Variants in MYO18B observed in about 807,000 individuals in gnomAD.
The protein encoded by MYO18B is unconventional myosin-XVIIIb.
A neutral mutation model predicts 273.0 loss-of-function variants in MYO18B; 204 were observed. The observed-to-expected ratio is 0.75, with a 90% CI of 0.67 to 0.84. MYO18B has a LOEUF of 0.84. MYO18B is among the 40% of genes least tolerant of loss of function. MYO18B has a pLI of 0.00. For synonymous variants in MYO18B, 1,330 were observed against 1,305.7 expected, an observed-to-expected ratio of 1.02 and a Z score of -0.40; for missense variants, 3,212 against 3,287.6, an observed-to-expected ratio of 0.98 and a Z score of 0.56.
intron 12 of MYO18B, among the ~76,000 whole-genome samples, chr22:25,812,013 TA>T (rs1569054534): frequency 6.6e-6 from 1 of 152,150 alleles, no homozygotes; most frequent in Non-Finnish European, 1.5e-5. Flanking sequence ...TTTCCATCTG[TA>T]GGTGGGGAAG....
chr22:26,013,313 T>A (rs1467017971), intron 42 of MYO18B, among the ~76,000 whole-genome samples: 1 of 152,208 alleles, frequency 6.6e-6, no homozygotes, highest in African/African-American at 2.4e-5. Context: ...CTGCCAAATG[T>A]CTTACAATGC....
chr22:25,864,064 G>GT (rs2090817419), intron 21 of MYO18B, among the ~76,000 whole-genome samples: 1 of 152,172 alleles, frequency 6.6e-6, no homozygotes, highest in Admixed American at 6.5e-5. Context: ...CCAGGTGTGG[G>GT]TTTTTTCCAT....
chr22:25,842,302 A>G (rs1012508237), intron 17 of MYO18B, among the ~76,000 whole-genome samples: 1 of 152,190 alleles, frequency 6.6e-6, no homozygotes, highest in Non-Finnish European at 1.5e-5. Context: ...TACGTTGGCA[A>G]TAGCAGGATG....
At chr22:25,948,484 T>TTCTTTCTC (rs2092750240) in intron 36 of MYO18B, among the ~76,000 whole-genome samples, 1 of 98,590 alleles carries the variant, frequency 1.0e-5, no homozygotes, top group African/African-American at 3.7e-5. Flanking sequence ...CTTTCTTTCT[T>TTCTTTCTC]TCTCTTTCTT....
Position 25,903,724 on chromosome 22 carries a change from A to T in MYO18B, c.5041A>T (p.Asn1681Tyr). The T allele has an allele frequency of 1.2e-6, 2 of 1,607,782 alleles. No individual in the cohort carries two copies. ...GCTGGGGTCACCCTCTCTGGGGGAA[A>T]ATTGCGTTGCTGGCTTGAAGGAGAG... ...ELLGSPSLGE[N>Y]CVAGLKERLW... The change falls in exon 31 of 44, where the codon AAT becomes TAT. Residue 1681 changes from asparagine to tyrosine, a missense_variant. By Grantham distance (143) the Asn-to-Tyr change is moderately radical. Transcript: ENST00000335473.
intron 38 of MYO18B, chr22:25,953,623 C>G: frequency 6.6e-6 from 1 of 152,182 alleles, no homozygotes; most frequent in African/African-American, 2.4e-5. Context: ...CCCTCAAGGT[C>G]TGACTGTCTC....
In MYO18B at chr22:25,781,534, T is replaced by C. The variant is rs5761176; in HGVS notation, c.2212-200T>C. Among the ~76,000 whole-genome samples the C allele has an allele frequency of 0.39, 57,240 of 147,786 alleles. 10,977 individuals are homozygous for C. The highest frequency in any genetic ancestry group is 0.45 in the African/African-American group (17,906 of 40,126). Reference sequence around the variant, plus strand: ...CTGAGGCAGGAGAATAGCGTGAAGCTGGGAGGCGGAGCTTGCAGTGAGCCG... The same window carrying C: ...CTGAGGCAGGAGAATAGCGTGAAGCCGGGAGGCGGAGCTTGCAGTGAGCCG... On this transcript the variant is annotated intron_variant, in intron 9 of 43. Coordinates refer to ENST00000335473, the MANE Select transcript of MYO18B (RefSeq NM_032608.7).
At chr22:25,824,418 G>A (rs906234730) in intron 13 of MYO18B, among the ~76,000 whole-genome samples, 5 of 152,160 alleles carry the variant, frequency 3.3e-5, no homozygotes, top group Non-Finnish European at 5.9e-5. Flanking sequence ...CCCAGCAGCT[G>A]GAAGAATGAG....
In MYO18B at chr22:25,837,293, A is replaced by T. The variant is rs116424338; in HGVS notation, c.3208+1850A>T. Among the ~76,000 whole-genome samples, 703 of 152,270 alleles carry T rather than the reference A, an allele frequency of 4.6e-3. 8 individuals are homozygous for T. The highest frequency in any genetic ancestry group is 0.016 in the African/African-American group (645 of 41,550). On this transcript the variant is annotated intron_variant, in intron 17 of 43. Transcript: ENST00000335473. Reference sequence around the variant, plus strand: ...AAGGACTAGGTTCTGGGACATTCCTATGTCAAGGTGTCAGGGACAAGGCAA... The same window carrying T: ...AAGGACTAGGTTCTGGGACATTCCTTTGTCAAGGTGTCAGGGACAAGGCAA...
At chr22:25,789,089 CTCCTTCTTCT>C (rs1298140726) in intron 11 of MYO18B, among the ~76,000 whole-genome samples, 9 of 29,544 alleles carry the variant, frequency 3.0e-4, no homozygotes, top group East Asian at 2.3e-3. Context: ...CTTCTTCCTC[CTCCTTCTTCT>C]TCCTCCTCCT....
At chr22:25,748,496 A>G (rs771259963) in intron 1 of MYO18B, among the ~76,000 whole-genome samples, 1 of 152,180 alleles carries the variant, frequency 6.6e-6, no homozygotes. Flanking sequence ...GTCAATGGAC[A>G]TGACCAAGAG....
At chr22:25,752,756 G>A (rs1026612837) in intron 1 of MYO18B, among the ~76,000 whole-genome samples, 2 of 152,212 alleles carry the variant, frequency 1.3e-5, no homozygotes, top group Admixed American at 6.5e-5. Context: ...GTCCACTCTG[G>A]CCATGCTTGA....
chr22:25,884,695 G>T (rs965067110), intron 25 of MYO18B: 1 of 152,186 alleles, frequency 6.6e-6, no homozygotes, highest in Non-Finnish European at 1.5e-5. Context: ...ACAAGGTAAG[G>T]AATGAATGCA....
At chr22:25,869,981 C>T (rs2091003128) in intron 22 of MYO18B, among the ~76,000 whole-genome samples, 1 of 152,188 alleles carries the variant, frequency 6.6e-6, no homozygotes, top group South Asian at 2.1e-4. Flanking sequence ...CTATGTGAGG[C>T]AACTTCACGT....
chr22:25,943,355 G>A (rs993208965), intron 34 of MYO18B, among the ~76,000 whole-genome samples: 1 of 152,114 alleles, frequency 6.6e-6, no homozygotes, highest in African/African-American at 2.4e-5. Flanking sequence ...GGACCATGGC[G>A]ATCCCCTCAC....
chr22:25,879,371 C>A (rs1303822052), intron 25 of MYO18B, among the ~76,000 whole-genome samples: 1 of 152,198 alleles, frequency 6.6e-6, no homozygotes. Context: ...GAAAATAATT[C>A]AGTTACAGAA....
chr22:25,825,875 C>G (rs1305480439), intron 13 of MYO18B, among the ~76,000 whole-genome samples: 1 of 152,172 alleles, frequency 6.6e-6, no homozygotes, highest in Non-Finnish European at 1.5e-5. Context: ...TTTATGGCTT[C>G]TAATACAAAA....
At chr22:25,888,851 G>C (rs1032880094) in intron 25 of MYO18B, among the ~76,000 whole-genome samples, 1 of 152,160 alleles carries the variant, frequency 6.6e-6, no homozygotes, top group African/African-American at 2.4e-5. Flanking sequence ...TCGGTGATGC[G>C]GTCAACAGGG....
In MYO18B at chr22:26,027,362, G is replaced by C; in HGVS notation, c.7388G>C (p.Gly2463Ala). ...TPTSLAGSAK[G>A]GQDGSQRSSI... is the part of the protein sequence containing the mutation. ...ACCTCCTTGGCTGGATCAGCCAAAGGTGGGCAAGACGGTTCACAGCGTTCA... is the reference window on the plus strand; with the variant it reads ...ACCTCCTTGGCTGGATCAGCCAAAGCTGGGCAAGACGGTTCACAGCGTTCA... The change falls in exon 43 of 44, where the codon GGT becomes GCT. Residue 2463 changes from glycine (G) to alanine (A), a missense_variant. By Grantham distance (60) the Gly-to-Ala change is moderately conservative. Transcript: ENST00000335473. The surrounding 1 kb of genome is among the most constrained non-coding windows in gnomAD (Gnocchi z 4.1). The C allele has an allele frequency of 6.2e-7, 1 of 1,613,990 alleles. No individual in the cohort carries two copies. The highest frequency in any genetic ancestry group is 8.5e-7 in the Non-Finnish European group (1 of 1,179,880).
Sources: gnomAD v4.1 joint callset for allele counts (sites outside exome capture counted in the v4.1 genomes callset) on GRCh38, gnomAD v4.1.1 for gene constraint, Gnocchi (gnomAD v3.1) non-coding constraint, MANE v1.5 for transcripts, NCBI Gene and HGNC (gene_info 2026-07-23, HGNC 2026-07-21) for gene names.